The following CPXM2 variants were observed in gnomAD, a reference collection of about 807,000 sequenced individuals.
CPXM2 encodes carboxypeptidase X, M14 family member 2, also known as inactive carboxypeptidase-like protein X2.
CPXM2 carries 66 observed loss-of-function variants against 86.1 expected under a neutral mutation model. The observed-to-expected ratio is 0.77, with a 90% CI of 0.63 to 0.94. The LOEUF (loss-of-function observed/expected upper bound fraction) is 0.94. Ranked by LOEUF, CPXM2 falls within the 40% of genes least tolerant of loss-of-function variation. The pLI is 0.00. For missense variants in CPXM2, 948 were observed against 1,026.3 expected, an observed-to-expected ratio of 0.92 and a Z score of 1.04; for synonymous variants, 388 against 400.2, an observed-to-expected ratio of 0.97 and a Z score of 0.36.
chr10:123,891,176 G>A lies in CPXM2; in HGVS notation c.304+180C>T, dbSNP rs1192499804. Among the ~76,000 whole-genome samples, 1 of 152,228 alleles carries A rather than the reference G, an allele frequency of 6.6e-6. No individual in the cohort carries two copies. Among genetic ancestry groups the A allele is most frequent in the African/African-American group, 2.4e-5 (1 of 41,478 alleles). ...CATGTCAGGGTCAAGGACAAGTTCTGGGAAGCTGGGCGGGCCGGCAGGAAG... is the reference window on the plus strand; with the variant it reads ...CATGTCAGGGTCAAGGACAAGTTCTAGGAAGCTGGGCGGGCCGGCAGGAAG... On this transcript the variant is annotated intron_variant, in intron 1 of 13. Coordinates refer to ENST00000241305, the MANE Select transcript of CPXM2 (RefSeq NM_198148.3). The surrounding 1 kb of genome is among the most constrained non-coding windows in gnomAD (Gnocchi z 5.6).
chr10:123,809,254 C>G (rs1419859002), intron 4 of CPXM2, among the ~76,000 whole-genome samples: 1 of 151,986 alleles, frequency 6.6e-6, no homozygotes, highest in Non-Finnish European at 1.5e-5. Flanking sequence ...GAAAGAGAAG[C>G]CATAAAGTGT....
At chr10:123,892,827 G>T (rs1254061973), upstream of CPXM2, among the ~76,000 whole-genome samples, 1 of 152,192 alleles carries the variant, frequency 6.6e-6, no homozygotes, top group Admixed American at 6.5e-5. Flanking sequence ...GGGCTGAGGC[G>T]CCTTTCCTCC....
intron 6 of CPXM2, among the ~76,000 whole-genome samples, chr10:123,785,434 C>T (rs1847029387): frequency 6.6e-6 from 1 of 152,058 alleles, no homozygotes. Context: ...GACATGTGGC[C>T]TAACAACAAA....
Position 123,757,372 on chromosome 10 carries a change from A to C in CPXM2, c.1778-20T>G, listed in dbSNP as rs2133979799. Reference sequence around the variant, plus strand: ...TCAGACCTGCCAAGCCAACCGGACAACACTTTAACTGAACAATACTCAAAA... The same window carrying C: ...TCAGACCTGCCAAGCCAACCGGACACCACTTTAACTGAACAATACTCAAAA... On this transcript the variant is annotated intron_variant, in intron 11 of 13. Transcript: ENST00000241305. 1 of 1,606,204 alleles carries C rather than the reference A, an allele frequency of 6.2e-7. No individual in the cohort carries two copies. The highest frequency in any genetic ancestry group is 2.2e-5 in the East Asian group (1 of 44,722).
intron 2 of CPXM2, among the ~76,000 whole-genome samples, chr10:123,910,059 G>T (rs1017791059): frequency 6.6e-6 from 1 of 152,166 alleles, no homozygotes; most frequent in Non-Finnish European, 1.5e-5. Flanking sequence ...TAGGGAGCAG[G>T]TGCAGCCACC....
intron 4 of CPXM2, among the ~76,000 whole-genome samples, chr10:123,799,522 T>C (rs1226330713): frequency 6.6e-6 from 1 of 152,208 alleles, no homozygotes; most frequent in African/African-American, 2.4e-5. Context: ...TGTAAAGATA[T>C]ACAAATGTGT....
chr10:123,842,422 A>G lies in CPXM2; in HGVS notation c.580T>C (p.Trp194Arg), dbSNP rs770563227. The G allele has an allele frequency of 6.2e-7, 1 of 1,613,996 alleles. No homozygotes were observed. Among genetic ancestry groups the G allele is most frequent in the Non-Finnish European group, 8.5e-7 (1 of 1,180,026 alleles). Residue 194 changes from tryptophan to arginine, a missense_variant, in exon 4 of 14, where the codon TGG becomes CGG. Physicochemically the swap from Trp to Arg is moderately radical, Grantham distance 101 (BLOSUM62 -3). Transcript: ENST00000241305. ...AGGCGCCGAGCATCCACTTCAATCCACTGCTGGAGGTCATTTCTTCCCGCG... is the reference window on the plus strand; with the variant it reads ...AGGCGCCGAGCATCCACTTCAATCCGCTGCTGGAGGTCATTTCTTCCCGCG... ...WCAGRNDLQQWIEVDARRLTR... is the reference protein window; with the variant it reads ...WCAGRNDLQQRIEVDARRLTR...
At chr10:123,870,642 C>A (rs1944880568) in intron 2 of CPXM2, among the ~76,000 whole-genome samples, 1 of 152,124 alleles carries the variant, frequency 6.6e-6, no homozygotes, top group South Asian at 2.1e-4. Context: ...CTCTCTGGGT[C>A]TTGGGAAATC....
chr10:123,818,738 G>A (rs1288546416), intron 4 of CPXM2, among the ~76,000 whole-genome samples: 1 of 152,154 alleles, frequency 6.6e-6, no homozygotes, highest in Non-Finnish European at 1.5e-5. Flanking sequence ...ATAGAATGGT[G>A]GAATGGCCTT....
rs968391690 is a variant in CPXM2, at chr10:123,901,956, T to G, written n.175-21647A>C. Among the ~76,000 whole-genome samples the G allele has an allele frequency of 3.3e-5, 5 of 152,366 alleles. No homozygotes were observed. In the East Asian group the frequency reaches 9.6e-4, roughly 29 times the overall value. ...TTTGCCTGAATTGCAAACTGTTCAC[T>G]GGAATGAAGTCTCTTTCCTCCGAAC... On this transcript the variant is annotated intron_variant and non_coding_transcript_variant, in intron 2 of 19. Coordinates refer to the CPXM2 transcript ENST00000368854.
intron 6 of CPXM2, among the ~76,000 whole-genome samples, chr10:123,782,964 T>C (rs1846968901): frequency 6.6e-6 from 1 of 152,228 alleles, no homozygotes; most frequent in Non-Finnish European, 1.5e-5. Context: ...TGACCTCTGG[T>C]AGTCCTCAGT....
intron 3 of CPXM2, among the ~76,000 whole-genome samples, chr10:123,862,233 G>A (rs1395827607): frequency 6.6e-6 from 1 of 152,226 alleles, no homozygotes; most frequent in Non-Finnish European, 1.5e-5. Context: ...AGAAGCACTG[G>A]CAGGGAGGCA....
intron 2 of CPXM2, among the ~76,000 whole-genome samples, chr10:123,906,109 T>TC (rs1402086985): frequency 6.6e-6 from 1 of 151,850 alleles, no homozygotes; most frequent in African/African-American, 2.4e-5. Flanking sequence ...CCAGAAAGCC[T>TC]CCCCCTGTCT....
chr10:123,827,790 C>G (rs1048263962), intron 4 of CPXM2, among the ~76,000 whole-genome samples: 9 of 152,038 alleles, frequency 5.9e-5, no homozygotes, highest in African/African-American at 1.7e-4. Context: ...GTGGGAAAAC[C>G]AGCCTCCCCA....
upstream of CPXM2, chr10:123,892,034 G>A (rs995757674): frequency 5.3e-5 from 8 of 152,226 alleles, no homozygotes; most frequent in African/African-American, 1.7e-4. Flanking sequence ...CCCCAGAGAC[G>A]CTAATGAGTT....
intron 2 of CPXM2, among the ~76,000 whole-genome samples, chr10:123,904,962 G>A (rs1011677005): frequency 6.7e-6 from 1 of 148,698 alleles, no homozygotes; most frequent in Non-Finnish European, 1.5e-5. Context: ...TGAAGCACAA[G>A]TCCGTGAGGT....
chr10:123,858,901 T>C (rs371823388), intron 3 of CPXM2, among the ~76,000 whole-genome samples: 1 of 152,232 alleles, frequency 6.6e-6, no homozygotes, highest in East Asian at 1.9e-4. Flanking sequence ...TTTTCTTTAC[T>C]CCTTTTGACA....
In CPXM2 at chr10:123,842,378, G is replaced by C. The variant is rs1349487682; in HGVS notation, c.624C>G (p.Val208=). 1 of 1,614,274 alleles carries C rather than the reference G, an allele frequency of 6.2e-7. No homozygotes were observed. The highest frequency in any genetic ancestry group is 1.3e-5 in the African/African-American group (1 of 75,072). Residue 208 remains valine (V), a synonymous_variant, in exon 4 of 14, where the codon GTC becomes GTG. Coordinates refer to ENST00000241305, the MANE Select transcript of CPXM2 (RefSeq NM_198148.3). ...AGAGGGAGTTCCTCCCTTGAGTGAT[G>C]ACACCAGTGAATCTGGTCAGGCGCC... The part of the protein sequence containing the change: ...DARRLTRFTG[V]ITQGRNSLWL...
intron 2 of CPXM2, among the ~76,000 whole-genome samples, chr10:123,919,106 G>A (rs1945560379): frequency 7.0e-6 from 1 of 142,922 alleles, no homozygotes; most frequent in Admixed American, 6.9e-5. Context: ...AAGTAGCATA[G>A]ACAAGGCTTT....
Sources: gnomAD v4.1 joint callset for allele counts (sites outside exome capture counted in the v4.1 genomes callset) on GRCh38, gnomAD v4.1.1 for gene constraint, Gnocchi (gnomAD v3.1) non-coding constraint, MANE v1.5 for transcripts, NCBI Gene and HGNC (gene_info 2026-07-23, HGNC 2026-07-21) for gene names.